SPTY2D1: variants seen among roughly 807,000 people sequenced by gnomAD.
The protein encoded by SPTY2D1 is SPT2 chromatin protein domain containing 1.
Under a neutral mutation model 64.0 loss-of-function variants are expected in SPTY2D1, and 21 were observed. The observed-to-expected ratio is 0.33, with a 90% CI of 0.23 to 0.47. SPTY2D1 has a LOEUF of 0.47. Among genes scored for constraint, SPTY2D1 ranks in the 20% least tolerant of loss-of-function variants. SPTY2D1 has a pLI of 1.00. For synonymous variants in SPTY2D1, 287 were observed against 286.8 expected (o/e 1.00, Z -0.01); for missense variants, 724 against 837.2 (o/e 0.86, Z 1.67).
In SPTY2D1 at chr11:18,616,732, GACACACACACACAC is replaced by G. The variant is rs72301459; in HGVS notation, c.175+129_175+142del. ...GCCATGAATACAGTCAGTTAACCTG[GACACACACACACAC>G]ACACACACACACACACCCTCCCAAA... On this transcript the variant is annotated intron_variant, in intron 2 of 5. Transcript: ENST00000336349. The G allele has an allele frequency of 6.8e-5, 33 of 487,572 alleles. 1 individual carries two copies. In the Middle Eastern group the frequency reaches 7.8e-3, roughly 116 times the overall value. 30.2% of individuals were successfully genotyped at this position (487,572 alleles called of 1,614,324 possible).
rs1384311345 is a variant in SPTY2D1 at position 18,612,208 on chromosome 11, T to C, written c.1886+106A>G. 4 of 812,120 alleles carry C rather than the reference T, an allele frequency of 4.9e-6. No homozygotes were observed. Among genetic ancestry groups the C allele is most frequent in the Non-Finnish European group, 7.3e-6 (4 of 548,986 alleles). The allele number at this position is 812,120 out of a possible 1,614,324, so 50.3% of individuals were successfully genotyped here. On this transcript the variant is annotated intron_variant, in intron 4 of 5. Coordinates refer to ENST00000336349, the MANE Select transcript of SPTY2D1 (RefSeq NM_194285.3). The surrounding 1 kb of genome is among the most constrained non-coding windows in gnomAD (Gnocchi z 4.6). ...TAACAATCACCCAAGGGTTCCTAAT[T>C]AAGAATTGTATTCAGTGCCTCCACT...
intron 1 of SPTY2D1, among the ~76,000 whole-genome samples, chr11:18,624,737 G>A (rs1260995305): frequency 2.0e-5 from 3 of 152,178 alleles, no homozygotes; most frequent in East Asian, 3.8e-4. Context: ...GATGGCTCAC[G>A]TCTGTAATCC....
chr11:18,615,157 T>G lies in SPTY2D1; in HGVS notation c.1117A>C (p.Ser373Arg). 1 of 1,614,236 alleles carries G rather than the reference T, an allele frequency of 6.2e-7. No homozygotes were observed. Residue 373 changes from serine to arginine, a missense_variant, in exon 3 of 6, where the codon AGC becomes CGC. Physicochemically the swap from Ser to Arg is moderately radical, Grantham distance 110. Transcript: ENST00000336349. ...TGCCCAGGGGCTGAGCTAGAGCTGC[T>G]GCCTGGCTGCCTGACACCTGGACTC... ...AKSPGVRQPG[S>R]SSSSAPGQPS...
At chr11:18,629,704 G>A (rs972241012) in intron 1 of SPTY2D1, among the ~76,000 whole-genome samples, 1 of 152,148 alleles carries the variant, frequency 6.6e-6, no homozygotes, top group Non-Finnish European at 1.5e-5. Flanking sequence ...TTGATCAGCA[G>A]TTATTATATA....
At chr11:18,627,542 A>G (rs1055055860) in intron 1 of SPTY2D1, among the ~76,000 whole-genome samples, 1 of 152,132 alleles carries the variant, frequency 6.6e-6, no homozygotes, top group Non-Finnish European at 1.5e-5. Flanking sequence ...CAGGAGTCCA[A>G]GACCAGACTG....
chr11:18,616,783 G>GTTT (rs1854306351), intron 2 of SPTY2D1, 92 bp downstream of exon 2: 5 of 1,215,638 alleles, frequency 4.1e-6, no homozygotes, highest in Non-Finnish European at 5.9e-6. Flanking sequence ...CTGTTGGCCT[G>GTTT]TTATGTTTTT....
In SPTY2D1 at chr11:18,632,152, T is replaced by TA. The variant is rs879568614; in HGVS notation, c.60+2045dup. 8.3e-3 allele frequency among the ~76,000 whole-genome samples: 1,184 copies of TA among 143,094 alleles called. 21 individuals carry two copies. The highest frequency in any genetic ancestry group is 0.029 in the African/African-American group (1,108 of 38,140). The allele number at this position is 143,094 out of a possible 152,430, so 93.9% of individuals were successfully genotyped here. On this transcript the variant is annotated intron_variant, in intron 1 of 5. Coordinates refer to ENST00000336349, the MANE Select transcript of SPTY2D1 (RefSeq NM_194285.3). ...CGGACGACAGAGTGAGACTCTATCT[T>TA]AAAAAAAAAAAAAAAGAAGAAGAAG...
At position 18,614,743 on chromosome 11, in the gene SPTY2D1, G is replaced by A. The variant is rs1244296751; in HGVS notation, c.1531C>T (p.Pro511Ser). 16 of 1,613,714 alleles carry A rather than the reference G, an allele frequency of 9.9e-6. No individual in the cohort carries two copies. The South Asian group carries it at 1.5e-4, about 16-fold the overall frequency. The change falls in exon 3 of 6, where the codon CCA becomes TCA. Residue 511 changes from proline (P) to serine (S), a missense_variant. Pro to Ser is a moderately conservative substitution (Grantham distance 74). Around this residue, in one of 3 missense-constraint regions of SPTY2D1, gnomAD observed 426 missense variants for 431.8 expected, o/e 0.99. Transcript: ENST00000336349. ...CCCAAGCTGCTCACTGGTCTTCCTG[G>A]GACTGAATTACTGACAGTCCGTCCA... ...PAGRTVSNSVPGRPVSSLGPG... is the reference protein window; with the variant it reads ...PAGRTVSNSVSGRPVSSLGPG...
chr11:18,631,261 T>A (rs529775624), intron 1 of SPTY2D1, among the ~76,000 whole-genome samples: 132 of 152,352 alleles, frequency 8.7e-4, no homozygotes, highest in Non-Finnish European at 1.7e-3. Context: ...CCTTTTAAGC[T>A]ACCATCGAAG....
intron 1 of SPTY2D1, among the ~76,000 whole-genome samples, chr11:18,618,228 T>C (rs576527685): frequency 6.6e-6 from 1 of 152,270 alleles, no homozygotes; most frequent in African/African-American, 2.4e-5. Flanking sequence ...AAAAAATCTA[T>C]GCAATAAAGG....
intron 3 of SPTY2D1, among the ~76,000 whole-genome samples, chr11:18,613,792 A>G (rs1360666897): frequency 6.6e-6 from 1 of 152,146 alleles, no homozygotes; most frequent in Non-Finnish European, 1.5e-5. Context: ...TTGGGACAGC[A>G]GATTCCTGAA....
intron 5 of SPTY2D1, among the ~76,000 whole-genome samples, chr11:18,610,681 AAAAAAAAC>A (rs1445191337): frequency 6.6e-6 from 1 of 150,878 alleles, no homozygotes; most frequent in Non-Finnish European, 1.5e-5. Flanking sequence ...AAAAAAAAAA[AAAAAAAAC>A]AACAATACTA....
At position 18,609,225 on chromosome 11, in the gene SPTY2D1, C is replaced by G. The variant is rs1269618181; in HGVS notation, c.*636G>C. 3 of 152,364 alleles carry G rather than the reference C, an allele frequency of 2.0e-5. No individual in the cohort carries two copies. Among genetic ancestry groups the G allele is most frequent in the African/African-American group, 7.2e-5 (3 of 41,432 alleles). The allele number at this position is 152,364 out of a possible 1,614,324, so 9.4% of individuals were successfully genotyped here. The stretch of plus-strand genomic sequence containing the variant: ...CTGTATTTTAACTTGAAAATTTTTT[C>G]ATTAATTCCTAGCCACCTAAATTAA... On this transcript the variant is annotated 3_prime_UTR_variant, in exon 6 of 6. Transcript: ENST00000336349.
At chr11:18,621,904 T>A (rs914755441) in intron 1 of SPTY2D1, among the ~76,000 whole-genome samples, 1 of 151,662 alleles carries the variant, frequency 6.6e-6, no homozygotes, top group African/African-American at 2.4e-5. Context: ...GTGGGCAATA[T>A]AGGGAGACCC....
At chr11:18,622,100 A>AAAAAAAAAAAAAAAAAAAAAAAC (rs1854417961) in intron 1 of SPTY2D1, among the ~76,000 whole-genome samples, 1 of 148,214 alleles carries the variant, frequency 6.7e-6, no homozygotes, top group African/African-American at 2.5e-5. Context: ...AAAAAAAAAA[A>AAAAAAAAAAAAAAAAAAAAAAAC]AAAACCAAAA....
chr11:18,612,544 C>T lies in SPTY2D1; in HGVS notation c.1712-56G>A. On this transcript the variant is annotated intron_variant, in intron 3 of 5. Transcript: ENST00000336349. This position sits in a 1 kb window ranked among gnomAD's most constrained non-coding sequence, Gnocchi z 4.6. ...AATTTAAAATAGTTCCAATGCAGTTCTATGTAAACTGAAATTGTGAGTCAT... is the reference window on the plus strand; with the variant it reads ...AATTTAAAATAGTTCCAATGCAGTTTTATGTAAACTGAAATTGTGAGTCAT... 7.0e-7 allele frequency: 1 copy of T among 1,425,770 alleles called. No individual in the cohort carries two copies. Among genetic ancestry groups the T allele is most frequent in the Non-Finnish European group, 9.3e-7 (1 of 1,069,984 alleles). The allele number at this position is 1,425,770 out of a possible 1,614,324, so 88.3% of individuals were successfully genotyped here.
At position 18,612,242 on chromosome 11, in the gene SPTY2D1, A is replaced by C; in HGVS notation, c.1886+72T>G. 9.2e-4 allele frequency: 1,201 copies of C among 1,299,720 alleles called. No homozygotes were observed. Among genetic ancestry groups the C allele is most frequent in the Non-Finnish European group, 1.1e-3 (1,096 of 954,072 alleles). 80.5% of individuals were successfully genotyped at this position (1,299,720 alleles called of 1,614,324 possible). A position where few individuals can be genotyped will look rare whatever the true frequency, so the allele number is the denominator to read the frequency against. On this transcript the variant is annotated intron_variant, in intron 4 of 5. Coordinates refer to ENST00000336349, the MANE Select transcript of SPTY2D1 (RefSeq NM_194285.3). This position sits in a 1 kb window ranked among gnomAD's most constrained non-coding sequence, Gnocchi z 4.6. ...TATTCAGTGCCTCCACTATTAGTTT[A>C]TTACCCCATGACATGAATTATTCAA...
chr11:18,618,635 G>A (rs948370516), intron 1 of SPTY2D1, among the ~76,000 whole-genome samples: 3 of 152,150 alleles, frequency 2.0e-5, no homozygotes, highest in Non-Finnish European at 4.4e-5. Flanking sequence ...ACCTGTTGCT[G>A]TGGCTAGCAG....
intron 1 of SPTY2D1, among the ~76,000 whole-genome samples, chr11:18,633,246 T>G (rs1356952000): frequency 6.6e-6 from 1 of 152,132 alleles, no homozygotes; most frequent in East Asian, 1.9e-4. Flanking sequence ...TATACGAATA[T>G]CTAGGAAATG....
Sources: allele counts gnomAD v4.1 joint callset (sites outside exome capture counted in the v4.1 genomes callset), GRCh38; gene constraint gnomAD v4.1.1; regional missense constraint gnomAD v4.1.1; non-coding constraint Gnocchi (gnomAD v3.1); transcripts MANE v1.5; gene names NCBI Gene and HGNC (gene_info 2026-07-23, HGNC 2026-07-21).